Variants in CDH4 observed in about 807,000 individuals in gnomAD.
The protein encoded by CDH4 is cadherin-4.
In CDH4, 33 loss-of-function variants were observed where a neutral mutation model predicts 86.0. The ratio of observed to expected loss-of-function variants is 0.38; its 90% CI spans 0.29 to 0.51. The LOEUF is 0.51. CDH4 is among the 20% of genes least tolerant of loss of function. The probability of loss-of-function intolerance (pLI) is 0.86; values close to 1 mark genes in which losing one functional copy is unlikely to be tolerated. For synonymous variants in CDH4, 555 were observed against 549.4 expected (o/e 1.01, Z -0.14); for missense variants, 1,114 against 1,307.4 (o/e 0.85, Z 2.28).
At chr20:61,838,197 C>T (rs535155113) in intron 4 of CDH4, among the ~76,000 whole-genome samples, 3 of 152,110 alleles carry the variant, frequency 2.0e-5, no homozygotes, top group Non-Finnish European at 4.4e-5. Flanking sequence ...CTGCCTTCCT[C>T]ATTTCACTTG....
At chr20:61,914,496 G>T (rs2054884500) in intron 9 of CDH4, among the ~76,000 whole-genome samples, 1 of 152,148 alleles carries the variant, frequency 6.6e-6, no homozygotes, top group African/African-American at 2.4e-5. Context: ...CCGGGTGCGG[G>T]CTCAGCCTCG....
intron 2 of CDH4, among the ~76,000 whole-genome samples, chr20:61,634,589 G>A (rs1197832482): frequency 6.6e-6 from 1 of 152,264 alleles, no homozygotes; most frequent in Non-Finnish European, 1.5e-5. Flanking sequence ...GCCCATCGCA[G>A]CAATGTGTGT....
chr20:61,864,825 G>A (rs144725973), intron 6 of CDH4, among the ~76,000 whole-genome samples: 3 of 152,260 alleles, frequency 2.0e-5, no homozygotes, highest in East Asian at 3.9e-4. Context: ...GGCCTCCCAG[G>A]GCAAGGCCAA....
chr20:61,675,770 C>T lies in CDH4; in HGVS notation c.170-67793C>T, dbSNP rs545582158. Among the ~76,000 whole-genome samples the T allele has an allele frequency of 8.4e-5, 11 of 131,388 alleles. 2 individuals are homozygous for T. The highest frequency in any genetic ancestry group is 2.4e-4 in the African/African-American group (8 of 33,790). The allele number at this position is 131,388 out of a possible 152,430, so 86.2% of individuals were successfully genotyped here. On this transcript the variant is annotated intron_variant, in intron 2 of 15. Coordinates refer to ENST00000614565, the MANE Select transcript of CDH4 (RefSeq NM_001794.5). ...CAAGCACTCCCGTGGAAACAACCAT[C>T]GCAGGGGCTGAGGCTTTGGGCTCAG...
chr20:61,842,459 C>G (rs1172545429), intron 4 of CDH4, among the ~76,000 whole-genome samples: 1 of 152,228 alleles, frequency 6.6e-6, no homozygotes, highest in Non-Finnish European at 1.5e-5. Flanking sequence ...AGCGAGCTGA[C>G]CTGTCCTCAG....
intron 15 of CDH4, 85 bp from the exon 16 acceptor site, chr20:61,936,652 C>T: frequency 8.5e-7 from 1 of 1,170,648 alleles, no homozygotes; most frequent in Non-Finnish European, 1.2e-6. Flanking sequence ...CCTACCTCTT[C>T]TTCTGGGCCT....
At position 61,754,531 on chromosome 20, in the gene CDH4, G is replaced by A. The variant is rs1414034781; in HGVS notation, c.396+10742G>A. ...GGGCTTGGGGTGTCCCTGGGGAGAGGAGGGATGAGGAACGGGTGCCATTCC... is the reference window on the plus strand; with the variant it reads ...GGGCTTGGGGTGTCCCTGGGGAGAGAAGGGATGAGGAACGGGTGCCATTCC... On this transcript the variant is annotated intron_variant, in intron 3 of 15. Transcript: ENST00000614565. The surrounding 1 kb of genome is among the most constrained non-coding windows in gnomAD (Gnocchi z 4.7). Among the ~76,000 whole-genome samples, 1 of 151,700 alleles carries A rather than the reference G, an allele frequency of 6.6e-6. No individual in the cohort carries two copies. Among genetic ancestry groups the A allele is most frequent in the Non-Finnish European group, 1.5e-5 (1 of 68,012 alleles).
At chr20:61,804,449 C>CA (rs1459315165) in intron 4 of CDH4, among the ~76,000 whole-genome samples, 1 of 152,228 alleles carries the variant, frequency 6.6e-6, no homozygotes, top group African/African-American at 2.4e-5. Flanking sequence ...CACTGCTGGC[C>CA]ACCAGTCACC....
At chr20:61,839,359 TTG>T (rs1320830855) in intron 4 of CDH4, among the ~76,000 whole-genome samples, 8 of 151,950 alleles carry the variant, frequency 5.3e-5, no homozygotes, top group African/African-American at 1.9e-4. Context: ...TTGTGTATGT[TTG>T]TGTATTGAAT....
chr20:61,868,088 G>A (rs76541358), intron 6 of CDH4, among the ~76,000 whole-genome samples: 121 of 152,356 alleles, frequency 7.9e-4, no homozygotes, highest in African/African-American at 2.9e-3. Flanking sequence ...CTTGGTTAAT[G>A]AGCATAAACC....
At chr20:61,633,970 AC>A (rs1568724820) in intron 2 of CDH4, among the ~76,000 whole-genome samples, 1 of 152,154 alleles carries the variant, frequency 6.6e-6, no homozygotes, top group Non-Finnish European at 1.5e-5. Flanking sequence ...TTAAAACACC[AC>A]CACCAATCCC....
At chr20:61,370,128 G>A (rs989273142) in intron 2 of CDH4, 2 of 152,542 alleles carry the variant, frequency 1.3e-5, no homozygotes, top group Non-Finnish European at 2.9e-5. Flanking sequence ...TGGGGGAAGG[G>A]AGGCCCTGCT....
chr20:61,809,655 TGAG>T (rs767115158), intron 4 of CDH4, among the ~76,000 whole-genome samples: 3 of 152,168 alleles, frequency 2.0e-5, no homozygotes, highest in Non-Finnish European at 4.4e-5. Context: ...AATGGGCAGA[TGAG>T]GAGGCCAAAG....
chr20:61,418,086 T>C (rs1357276301), intron 2 of CDH4, among the ~76,000 whole-genome samples: 1 of 152,176 alleles, frequency 6.6e-6, no homozygotes, highest in Non-Finnish European at 1.5e-5. Flanking sequence ...TGGCAAATGC[T>C]GATCAAGAAA....
rs75175973 is a variant in CDH4 at position 61,484,240 on chromosome 20, T to C, written c.169+229303T>C. 1.4e-3 allele frequency among the ~76,000 whole-genome samples: 215 copies of C among 152,320 alleles called. 6 individuals are homozygous for C. In the East Asian group the frequency reaches 0.031, roughly 22 times the overall value. ...CCCTCAGAACAAAAACTTGCCACCA[T>C]GCCATGTACATTCCCACGTTTTATT... On this transcript the variant is annotated intron_variant, in intron 2 of 15. Coordinates refer to ENST00000614565, the MANE Select transcript of CDH4 (RefSeq NM_001794.5).
In CDH4 at chr20:61,383,405, AAT is replaced by A. The variant is rs1159923186; in HGVS notation, c.169+128475_169+128476del. Among the ~76,000 whole-genome samples, 12 of 64,920 alleles carry A rather than the reference AAT, an allele frequency of 1.8e-4. 1 individual carries two copies. The highest frequency in any genetic ancestry group is 1.1e-3 in the African/African-American group (9 of 8,326). 42.6% of individuals were successfully genotyped at this position (64,920 alleles called of 152,430 possible). A position where few individuals can be genotyped will look rare whatever the true frequency, so the allele number is the denominator to read the frequency against. ...TATATATGAATATATGATATATATG[AAT>A]ATATATGATATATATGATATATATC... On this transcript the variant is annotated intron_variant, in intron 2 of 15. Transcript: ENST00000614565.
chr20:61,608,740 G>A (rs1320674657), intron 2 of CDH4, among the ~76,000 whole-genome samples: 6 of 152,216 alleles, frequency 3.9e-5, no homozygotes, highest in Admixed American at 3.3e-4. Context: ...GTTGGTGGTG[G>A]TGGTCAGCAG....
At chr20:61,729,790 A>T (rs1360801060) in intron 2 of CDH4, among the ~76,000 whole-genome samples, 1 of 152,190 alleles carries the variant, frequency 6.6e-6, no homozygotes, top group Non-Finnish European at 1.5e-5. Flanking sequence ...GTCCATGAGG[A>T]TGTGAGATTA....
At chr20:61,401,256 G>T (rs1345961249) in intron 2 of CDH4, among the ~76,000 whole-genome samples, 1 of 152,130 alleles carries the variant, frequency 6.6e-6, no homozygotes, top group African/African-American at 2.4e-5. Flanking sequence ...TTGTAAACCT[G>T]CTCCACCAAT....
Sources: allele counts gnomAD v4.1 joint callset (sites outside exome capture counted in the v4.1 genomes callset), GRCh38; gene constraint gnomAD v4.1.1; non-coding constraint Gnocchi (gnomAD v3.1); transcripts MANE v1.5; gene names NCBI Gene and HGNC (gene_info 2026-07-23, HGNC 2026-07-21).